Variants in ANXA2 observed in about 807,000 individuals in gnomAD.
ANXA2 encodes annexin A2.
Under a neutral mutation model 47.3 loss-of-function variants are expected in ANXA2, and 28 were observed. The ratio of observed to expected loss-of-function variants is 0.59; its 90% confidence interval spans 0.44 to 0.81. The LOEUF is 0.81. ANXA2 is among the 40% of genes least tolerant of loss of function. The pLI, the probability that ANXA2 is intolerant of heterozygous loss-of-function variation, is 0.00. For missense variants in ANXA2, 384 were observed against 414.3 expected (o/e 0.93, Z 0.64); for synonymous variants, 172 against 155.5 (o/e 1.11, Z -0.79).
chr15:60,393,323 G>C, intron 1 of ANXA2: 4 of 998,406 alleles, frequency 4.0e-6, no homozygotes, highest in Non-Finnish European at 4.8e-6. Flanking sequence ...CCGGCAGGAA[G>C]AATGATGTCA....
chr15:60,389,520 T>C (rs1334844685), intron 1 of ANXA2, among the ~76,000 whole-genome samples: 1 of 152,212 alleles, frequency 6.6e-6, no homozygotes, highest in Non-Finnish European at 1.5e-5. Context: ...TCTCCATTCA[T>C]GTTAATTCTT....
At chr15:60,375,112 G>T (rs2062759607) in intron 3 of ANXA2, among the ~76,000 whole-genome samples, 1 of 152,212 alleles carries the variant, frequency 6.6e-6, no homozygotes, top group African/African-American at 2.4e-5. Context: ...TTGTTCTGCA[G>T]TGGCATGGGA....
chr15:60,390,090 G>A (rs2062987886), intron 1 of ANXA2: 1 of 172,582 alleles, frequency 5.8e-6, no homozygotes, highest in Non-Finnish European at 1.2e-5. Flanking sequence ...ACATAATGCA[G>A]GTGCTAAATC....
chr15:60,379,347 C>G (rs1342806127), intron 3 of ANXA2, among the ~76,000 whole-genome samples: 1 of 151,642 alleles, frequency 6.6e-6, no homozygotes, highest in East Asian at 1.9e-4. Context: ...AACATTAAGT[C>G]TGGGGGAAAA....
At chr15:60,355,761 G>A (rs1409008062) in intron 7 of ANXA2, 158 bp downstream of exon 7, 1 of 721,206 alleles carries the variant, frequency 1.4e-6, no homozygotes, top group South Asian at 1.5e-5. Context: ...ATACAAAATT[G>A]ACAACTCTGC....
intron 3 of ANXA2, among the ~76,000 whole-genome samples, chr15:60,377,434 T>C (rs1318242504): frequency 6.6e-6 from 1 of 152,114 alleles, no homozygotes; most frequent in Non-Finnish European, 1.5e-5. Flanking sequence ...AAAGGAGCAA[T>C]TGCCCACAAT....
chr15:60,364,595 G>T, intron 3 of ANXA2, 72 bp from the exon 4 acceptor site: 1 of 1,211,978 alleles, frequency 8.3e-7, no homozygotes, highest in Non-Finnish European at 1.2e-6. Context: ...AAGGTGTCAA[G>T]CAGACTTTTT....
intron 3 of ANXA2, among the ~76,000 whole-genome samples, chr15:60,378,103 A>G (rs760258521): frequency 6.6e-6 from 1 of 152,154 alleles, no homozygotes; most frequent in Non-Finnish European, 1.5e-5. Context: ...CTCCGCCTCA[A>G]AAAGAAAAAA....
chr15:60,375,242 A>G (rs2062760999), intron 3 of ANXA2, among the ~76,000 whole-genome samples: 1 of 152,276 alleles, frequency 6.6e-6, no homozygotes, highest in African/African-American at 2.4e-5. Context: ...AAGGGGGGAG[A>G]AAAATCACCC....
At chr15:60,350,351 T>A (rs1173382495) in intron 11 of ANXA2, among the ~76,000 whole-genome samples, 1 of 152,106 alleles carries the variant, frequency 6.6e-6, no homozygotes, top group African/African-American at 2.4e-5. Context: ...AGTCTGAGTC[T>A]CCATATGTAA....
chr15:60,354,868 A>C (rs2062404210), intron 7 of ANXA2, among the ~76,000 whole-genome samples: 1 of 152,150 alleles, frequency 6.6e-6, no homozygotes. Context: ...TGTGGAAACA[A>C]ATGTAAAGCA....
chr15:60,376,317 G>C (rs1165053283), intron 3 of ANXA2, among the ~76,000 whole-genome samples: 1 of 152,012 alleles, frequency 6.6e-6, no homozygotes, highest in East Asian at 1.9e-4. Context: ...GGGAGGCGAG[G>C]TTGCAGTGAG....
At chr15:60,379,350 G>C (rs899997521) in intron 3 of ANXA2, among the ~76,000 whole-genome samples, 1 of 151,942 alleles carries the variant, frequency 6.6e-6, no homozygotes, top group African/African-American at 2.4e-5. Flanking sequence ...ATTAAGTCTG[G>C]GGGAAAAAAA....
intron 7 of ANXA2, among the ~76,000 whole-genome samples, chr15:60,354,699 A>G (rs1344997681): frequency 2.0e-5 from 3 of 151,894 alleles, no homozygotes; most frequent in Non-Finnish European, 4.4e-5. Flanking sequence ...AAAATCATTG[A>G]GCAAGGAAGT....
intron 4 of ANXA2, chr15:60,362,528 C>T (rs1469086978): frequency 1.3e-5 from 2 of 152,262 alleles, no homozygotes; most frequent in African/African-American, 4.8e-5. Context: ...CTCCTCTCCA[C>T]TCTGCCAGCC....
chr15:60,390,417 G>A (rs1011308261), intron 1 of ANXA2: 34 of 541,232 alleles, frequency 6.3e-5, no homozygotes, highest in Non-Finnish European at 9.5e-5. Flanking sequence ...AAGAAGTGTG[G>A]CAAGCACCAA....
At chr15:60,365,457 C>G (rs1187438175) in intron 3 of ANXA2, among the ~76,000 whole-genome samples, 1 of 152,218 alleles carries the variant, frequency 6.6e-6, no homozygotes, top group African/African-American at 2.4e-5. Flanking sequence ...TTTGCCATAA[C>G]TGGATAGGTA....
At chr15:60,355,829 G>A (rs770117711) in intron 7 of ANXA2, 90 bp downstream of exon 7, 4 of 1,080,264 alleles carry the variant, frequency 3.7e-6, no homozygotes, top group Non-Finnish European at 5.8e-6. Context: ...CAGGCACAGG[G>A]GATTTAGTTA....
rs373839349 is a variant in ANXA2 at position 60,351,232 on chromosome 15, C to G, written c.798G>C (p.Lys266Asn). The change falls in exon 11 of 13, where the codon AAG (lysine) becomes AAC (asparagine). Residue 266 changes from lysine (K) to asparagine (N), a missense_variant. Lys to Asn is a moderately conservative substitution (Grantham distance 94, BLOSUM62 0). Transcript: ENST00000451270. ...ACAGCCGATCAGCAAAATACAGGGGCTTGTTCTGAATGCACTGAACTGTGG... is the reference window on the plus strand; with the variant it reads ...ACAGCCGATCAGCAAAATACAGGGGGTTGTTCTGAATGCACTGAACTGTGG... ...FLNLVQCIQNKPLYFADRLYD... is the reference protein window; with the variant it reads ...FLNLVQCIQNNPLYFADRLYD... 2.5e-5 allele frequency: 40 copies of G among 1,614,226 alleles called. No homozygotes were observed. The African/African-American group carries it at 4.9e-4, about 20-fold the overall frequency.
Sources: allele counts gnomAD v4.1 joint callset (sites outside exome capture counted in the v4.1 genomes callset), GRCh38; gene constraint gnomAD v4.1.1; transcripts MANE v1.5; gene names NCBI Gene and HGNC (gene_info 2026-07-23, HGNC 2026-07-21).